Variants in SOX6 observed in about 807,000 individuals in gnomAD.
SOX6 encodes the protein transcription factor SOX-6.
A neutral mutation model predicts 97.8 loss-of-function variants in SOX6; 11 were observed. The ratio of observed to expected loss-of-function variants is 0.11; its 90% CI spans 0.07 to 0.19. The LOEUF (loss-of-function observed/expected upper bound fraction) is 0.19, where lower values mean the gene tolerates loss of function less well. Ranked by LOEUF, SOX6 falls within the 10% of genes least tolerant of loss-of-function variation. SOX6 has a pLI of 1.00. For missense variants in SOX6, 810 were observed against 1,039.5 expected (o/e 0.78, Z 3.04); for synonymous variants, 360 against 371.4 (o/e 0.97, Z 0.35).
chr11:16,673,867 G>A (rs1847864768), intron 3 of SOX6, among the ~76,000 whole-genome samples: 1 of 152,038 alleles, frequency 6.6e-6, no homozygotes, highest in African/African-American at 2.4e-5. Flanking sequence ...ACAAAATACT[G>A]GCAAACCAAA....
intron 3 of SOX6, among the ~76,000 whole-genome samples, chr11:16,696,209 T>C (rs1011114493): frequency 1.3e-5 from 2 of 152,196 alleles, no homozygotes; most frequent in East Asian, 1.9e-4. Context: ...TAACCACAAA[T>C]GGTGGTTCAA....
rs1847646686 is a variant in SOX6 at position 16,651,189 on chromosome 11, T to TGA, written n.430-38930_430-38929insTC. On this transcript the variant is annotated intron_variant and non_coding_transcript_variant, in intron 3 of 5. Coordinates refer to the SOX6 transcript ENST00000524520. The stretch of plus-strand genomic sequence containing the variant: ...AATTCACAGATAAATTCTATCAGAC[T>TGA]TTCAAAGAAAAATCAGTACCAACCT... Among the ~76,000 whole-genome samples the TGA allele has an allele frequency of 2.6e-5, 4 of 152,090 alleles. 1 individual carries two copies. The South Asian group carries it at 6.2e-4, about 24-fold the overall frequency.
At chr11:16,223,720 C>T (rs1055736180) in intron 4 of SOX6, among the ~76,000 whole-genome samples, 1 of 152,034 alleles carries the variant, frequency 6.6e-6, no homozygotes, top group Non-Finnish European at 1.5e-5. Flanking sequence ...CCACACAGGG[C>T]GATTACAGAT....
chr11:16,271,516 G>A (rs1455790124), intron 3 of SOX6, among the ~76,000 whole-genome samples: 1 of 151,316 alleles, frequency 6.6e-6, no homozygotes, highest in East Asian at 1.9e-4. Context: ...GTATTTCTGT[G>A]ATAACTTTCT....
chr11:16,201,486 A>G (rs938580129), intron 4 of SOX6, among the ~76,000 whole-genome samples: 3 of 150,822 alleles, frequency 2.0e-5, no homozygotes, highest in Non-Finnish European at 4.4e-5. Context: ...AACTCATAAT[A>G]AACAAATATA....
chr11:16,379,584 T>A (rs1857748171), intron 1 of SOX6, among the ~76,000 whole-genome samples: 1 of 152,056 alleles, frequency 6.6e-6, no homozygotes, highest in South Asian at 2.1e-4. Flanking sequence ...TTGACAATGG[T>A]TAAAAAAATA....
chr11:16,396,162 T>G (rs1314021808), intron 1 of SOX6, among the ~76,000 whole-genome samples: 1 of 151,686 alleles, frequency 6.6e-6, no homozygotes, highest in Non-Finnish European at 1.5e-5. Context: ...TACACTATAA[T>G]CCTTACAGCT....
At chr11:16,098,141 T>C (rs1379072200) in intron 7 of SOX6, among the ~76,000 whole-genome samples, 2 of 151,832 alleles carry the variant, frequency 1.3e-5, no homozygotes, top group South Asian at 2.1e-4. Context: ...TTCTAAACTT[T>C]ATTTATTAAA....
chr11:16,115,422 G>A (rs1374561364), intron 6 of SOX6, among the ~76,000 whole-genome samples: 3 of 151,796 alleles, frequency 2.0e-5, no homozygotes, highest in African/African-American at 4.8e-5. Context: ...TCATTCACAG[G>A]GCTTGTTAAA....
At chr11:16,646,546 A>C (rs1849018122) in intron 3 of SOX6, among the ~76,000 whole-genome samples, 1 of 149,512 alleles carries the variant, frequency 6.7e-6, no homozygotes, top group African/African-American at 2.5e-5. Context: ...TTTAATGGTG[A>C]TTTGTGAGAT....
chr11:16,234,719 T>C (rs1226026670), intron 3 of SOX6, 48 bp from the exon 4 acceptor site: 2 of 1,135,080 alleles, frequency 1.8e-6, no homozygotes, highest in Non-Finnish European at 2.5e-6. Context: ...TTATTACAAA[T>C]TTAGAAAGTC....
At chr11:16,009,010 C>T (rs1854637066) in intron 13 of SOX6, among the ~76,000 whole-genome samples, 1 of 152,038 alleles carries the variant, frequency 6.6e-6, no homozygotes. Context: ...CTCTGAAATG[C>T]CTGGACGCCA....
chr11:16,301,269 T>G (rs1855248687), intron 3 of SOX6, among the ~76,000 whole-genome samples: 1 of 152,240 alleles, frequency 6.6e-6, no homozygotes, highest in East Asian at 1.9e-4. Context: ...ATTTATCCAT[T>G]ATTTGAACAC....
At chr11:16,023,306 T>C (rs1446197612) in intron 12 of SOX6, 2 of 152,162 alleles carry the variant, frequency 1.3e-5, no homozygotes, top group Non-Finnish European at 2.9e-5. Context: ...ACAGTATCCA[T>C]GTCTTATTAT....
intron 4 of SOX6, among the ~76,000 whole-genome samples, chr11:16,521,973 GA>G (rs1171149548): frequency 1.3e-5 from 2 of 152,152 alleles, no homozygotes; most frequent in East Asian, 3.9e-4. Flanking sequence ...AGAAATATGG[GA>G]CTATGTGAAA....
In SOX6 at chr11:16,484,365, C is replaced by A. The variant is rs1432715617; in HGVS notation, n.610-7977G>T. The A allele has an allele frequency of 3.7e-6, 3 of 811,122 alleles. No homozygotes were observed. The East Asian group carries it at 7.3e-5, about 20-fold the overall frequency. The allele number at this position is 811,122 out of a possible 1,614,324, so 50.2% of individuals were successfully genotyped here. Reference sequence around the variant, plus strand: ...TGAATAAGGTAAGGATCCAGGTAGTCCAGCTTCATGTCACTAAGCGTCTTC... The same window carrying A: ...TGAATAAGGTAAGGATCCAGGTAGTACAGCTTCATGTCACTAAGCGTCTTC... On this transcript the variant is annotated intron_variant and non_coding_transcript_variant, in intron 4 of 5. Transcript: ENST00000524520.
chr11:16,309,927 T>G (rs1365753544), intron 3 of SOX6, among the ~76,000 whole-genome samples: 1 of 152,086 alleles, frequency 6.6e-6, no homozygotes, highest in Non-Finnish European at 1.5e-5. Context: ...ACTTATTTCA[T>G]AAAACCATCA....
At chr11:16,203,040 A>G (rs1281438773) in intron 4 of SOX6, among the ~76,000 whole-genome samples, 1 of 152,152 alleles carries the variant, frequency 6.6e-6, no homozygotes, top group African/African-American at 2.4e-5. Flanking sequence ...AATAAAAGCC[A>G]CAGAAAAGGT....
At chr11:16,623,672 T>G (rs1215757690) in intron 3 of SOX6, among the ~76,000 whole-genome samples, 3 of 152,156 alleles carry the variant, frequency 2.0e-5, no homozygotes, top group African/African-American at 7.2e-5. Context: ...TGATGTCATC[T>G]TCTAGAATTT....
Sources: gnomAD v4.1 joint callset for allele counts (sites outside exome capture counted in the v4.1 genomes callset) on GRCh38, gnomAD v4.1.1 for gene constraint, MANE v1.5 for transcripts, NCBI Gene and HGNC (gene_info 2026-07-23, HGNC 2026-07-21) for gene names.